The following GRID1 variants were observed in gnomAD, a reference collection of about 807,000 sequenced individuals.
The protein encoded by GRID1 is glutamate receptor ionotropic, delta-1.
GRID1 carries 28 observed loss-of-function variants against 98.0 expected under a neutral mutation model. The ratio of observed to expected loss-of-function variants is 0.29; its 90% CI spans 0.21 to 0.39. The LOEUF is 0.39. GRID1 is among the 10% of genes least tolerant of loss of function. The pLI, the probability that GRID1 is intolerant of heterozygous loss-of-function variation, is 1.00. For missense variants in GRID1, 1,111 were observed against 1,340.5 expected (o/e 0.83, Z 2.67); for synonymous variants, 553 against 538.5 (o/e 1.03, Z -0.37).
intron 2 of GRID1, among the ~76,000 whole-genome samples, chr10:86,358,533 C>T (rs924645152): frequency 2.6e-5 from 4 of 151,946 alleles, no homozygotes; most frequent in Non-Finnish European, 4.4e-5. Context: ...CAAAGGCAGG[C>T]GGATCACGAG....
intron 4 of GRID1, among the ~76,000 whole-genome samples, chr10:86,128,260 G>T (rs1442646430): frequency 6.6e-6 from 1 of 152,098 alleles, no homozygotes; most frequent in Admixed American, 6.5e-5. Context: ...TTAAATCGAA[G>T]TGGTTCAAGT....
chr10:85,799,936 AT>A (rs1436467445), intron 8 of GRID1, among the ~76,000 whole-genome samples: 1 of 152,154 alleles, frequency 6.6e-6, no homozygotes, highest in East Asian at 1.9e-4. Flanking sequence ...TGATTTGATT[AT>A]TATACAATGT....
At chr10:85,833,033 G>A (rs1195142083) in intron 8 of GRID1, among the ~76,000 whole-genome samples, 1 of 152,074 alleles carries the variant, frequency 6.6e-6, no homozygotes, top group South Asian at 2.1e-4. Context: ...TGTCATTGAG[G>A]GTCCAAGACT....
intron 4 of GRID1, among the ~76,000 whole-genome samples, chr10:86,100,637 T>C (rs1171555257): frequency 1.3e-5 from 2 of 152,108 alleles, no homozygotes; most frequent in Non-Finnish European, 2.9e-5. Context: ...ATGGGGACTG[T>C]TTGGATTATT....
At chr10:85,878,911 A>C (rs1840955067) in intron 5 of GRID1, among the ~76,000 whole-genome samples, 1 of 152,164 alleles carries the variant, frequency 6.6e-6, no homozygotes, top group African/African-American at 2.4e-5. Flanking sequence ...GCTCAAAATA[A>C]AGGGATGGAG....
chr10:86,173,649 T>C (rs1169818449), intron 3 of GRID1, among the ~76,000 whole-genome samples: 1 of 151,908 alleles, frequency 6.6e-6, no homozygotes. Flanking sequence ...TATGTATACA[T>C]GTGCCATGCT....
chr10:85,639,898 T>C (rs996030116), intron 13 of GRID1, among the ~76,000 whole-genome samples: 1 of 152,194 alleles, frequency 6.6e-6, no homozygotes, highest in Non-Finnish European at 1.5e-5. Flanking sequence ...ATAAAATCTT[T>C]TTCTAACATA....
At chr10:85,907,520 T>C (rs1841479309) in intron 5 of GRID1, among the ~76,000 whole-genome samples, 1 of 152,222 alleles carries the variant, frequency 6.6e-6, no homozygotes, top group Non-Finnish European at 1.5e-5. Context: ...AATACATAAA[T>C]TTAATTTGTA....
chr10:86,038,819 A>T (rs372721301), intron 4 of GRID1, among the ~76,000 whole-genome samples: 1 of 152,316 alleles, frequency 6.6e-6, no homozygotes, highest in East Asian at 1.9e-4. Flanking sequence ...CTTGCAGAAG[A>T]TGGTCTTATT....
intron 8 of GRID1, among the ~76,000 whole-genome samples, chr10:85,732,935 T>C (rs575962326): frequency 5.1e-4 from 78 of 152,158 alleles, no homozygotes; most frequent in Non-Finnish European, 9.7e-4. Context: ...CTGATATTTG[T>C]ATCTAGTTTT....
At chr10:85,733,765 C>G (rs900721874) in intron 8 of GRID1, among the ~76,000 whole-genome samples, 3 of 151,856 alleles carry the variant, frequency 2.0e-5, no homozygotes. Context: ...AAGTAAAGAA[C>G]CAGGATATAA....
At chr10:85,723,766 C>A (rs1841729846) in intron 11 of GRID1, among the ~76,000 whole-genome samples, 1 of 152,172 alleles carries the variant, frequency 6.6e-6, no homozygotes, top group South Asian at 2.1e-4. Context: ...GAGAAGAGAG[C>A]TTCTCACTGC....
chr10:85,678,821 A>G (rs1330560851), intron 12 of GRID1, among the ~76,000 whole-genome samples: 1 of 152,090 alleles, frequency 6.6e-6, no homozygotes, highest in Admixed American at 6.5e-5. Flanking sequence ...GTTCTCAATA[A>G]TAATATGCCC....
chr10:86,115,319 T>A (rs931758650), intron 4 of GRID1, among the ~76,000 whole-genome samples: 1 of 152,168 alleles, frequency 6.6e-6, no homozygotes, highest in African/African-American at 2.4e-5. Flanking sequence ...CACAACTACT[T>A]ATATTTGGAT....
At chr10:85,690,217 T>G (rs1841317134) in intron 12 of GRID1, among the ~76,000 whole-genome samples, 1 of 152,236 alleles carries the variant, frequency 6.6e-6, no homozygotes, top group Admixed American at 6.5e-5. Flanking sequence ...TTTAATTGTC[T>G]TTAAAGAATA....
rs569915040 is a variant in GRID1 at position 86,241,567 on chromosome 10, G to T, written c.236-34919C>A. ...CCCCCACCGCTATCTGGTCACCAGG[G>T]AGTTAGTATCACTAACTTAATCCTA... On this transcript the variant is annotated intron_variant, in intron 2 of 15. Coordinates refer to ENST00000327946, the MANE Select transcript of GRID1 (RefSeq NM_017551.3). Among the ~76,000 whole-genome samples the T allele has an allele frequency of 1.4e-4, 21 of 152,356 alleles. No individual in the cohort carries two copies. The South Asian group carries it at 3.9e-3, about 29-fold the overall frequency.
intron 5 of GRID1, among the ~76,000 whole-genome samples, chr10:85,892,153 C>T (rs962262439): frequency 2.7e-5 from 4 of 146,832 alleles, no homozygotes; most frequent in African/African-American, 7.5e-5. Flanking sequence ...GAAGAAAAGT[C>T]GATGAACTTG....
At chr10:86,155,740 TCC>T (rs1256652658) in intron 3 of GRID1, among the ~76,000 whole-genome samples, 1 of 152,104 alleles carries the variant, frequency 6.6e-6, no homozygotes, top group Non-Finnish European at 1.5e-5. Flanking sequence ...AGGTTAATAG[TCC>T]TCAGGACTCT....
At chr10:86,019,660 A>G (rs1843024267) in intron 4 of GRID1, among the ~76,000 whole-genome samples, 1 of 152,258 alleles carries the variant, frequency 6.6e-6, no homozygotes, top group African/African-American at 2.4e-5. Context: ...CAGATTAAGA[A>G]GCTGAGGTTC....
Sources: allele counts gnomAD v4.1 joint callset (sites outside exome capture counted in the v4.1 genomes callset), GRCh38; gene constraint gnomAD v4.1.1; transcripts MANE v1.5; gene names NCBI Gene and HGNC (gene_info 2026-07-23, HGNC 2026-07-21).